The following VTI1A variants were observed in gnomAD, a reference collection of about 807,000 sequenced individuals.
VTI1A encodes vesicle transport through interaction with t-SNAREs homolog 1A.
In VTI1A, 22 loss-of-function variants were observed where a neutral mutation model predicts 34.9. The ratio of observed to expected loss-of-function variants is 0.63; its 90% CI spans 0.45 to 0.90. The LOEUF is 0.90. Ranked by LOEUF, VTI1A falls within the 40% of genes least tolerant of loss-of-function variation. VTI1A has a pLI of 0.00. For synonymous variants in VTI1A, 87 were observed against 97.3 expected (o/e 0.89, Z 0.62); for missense variants, 268 against 275.6 (o/e 0.97, Z 0.20).
At chr10:112,675,753 C>G (rs1380559986) in intron 7 of VTI1A, among the ~76,000 whole-genome samples, 2 of 152,156 alleles carry the variant, frequency 1.3e-5, no homozygotes, top group African/African-American at 4.8e-5. Context: ...CAGTTCCAGT[C>G]TTGTTTAATT....
At chr10:112,627,831 G>T (rs1166163407) in intron 5 of VTI1A, among the ~76,000 whole-genome samples, 1 of 152,022 alleles carries the variant, frequency 6.6e-6, no homozygotes, top group Admixed American at 6.6e-5. Flanking sequence ...ATAAAAATGT[G>T]ATATAAAATG....
chr10:112,724,850 A>G lies in VTI1A; in HGVS notation c.560+55852A>G, dbSNP rs1039786735. Among the ~76,000 whole-genome samples the G allele has an allele frequency of 2.0e-5, 3 of 151,820 alleles. No homozygotes were observed. The East Asian group carries it at 5.8e-4, about 29-fold the overall frequency. On this transcript the variant is annotated intron_variant, in intron 7 of 7. Coordinates refer to ENST00000393077, the MANE Select transcript of VTI1A (RefSeq NM_145206.4). Reference sequence around the variant, plus strand: ...AGAAATTCACACACAGAGACAAAATAGTGTAATGAACCCACATGTCTCTAA... The same window carrying G: ...AGAAATTCACACACAGAGACAAAATGGTGTAATGAACCCACATGTCTCTAA...
intron 5 of VTI1A, among the ~76,000 whole-genome samples, chr10:112,545,674 C>G (rs567898596): frequency 6.6e-6 from 1 of 152,144 alleles, no homozygotes; most frequent in African/African-American, 2.4e-5. Flanking sequence ...GGTCCCATGT[C>G]GGATCTACTG....
intron 7 of VTI1A, among the ~76,000 whole-genome samples, chr10:112,697,374 ATTTTCTTTTC>A (rs540161393): frequency 0.032 from 3,801 of 120,626 alleles, 98 homozygotes; most frequent in East Asian, 0.086. Flanking sequence ...TGTTCTTGGT[ATTTTCTTTTC>A]TTTTCTTTTC....
intron 5 of VTI1A, among the ~76,000 whole-genome samples, chr10:112,650,873 A>T (rs1846985634): frequency 6.6e-6 from 1 of 152,242 alleles, no homozygotes; most frequent in Non-Finnish European, 1.5e-5. Flanking sequence ...TTAAATACAT[A>T]GAAGATATTT....
chr10:112,466,591 A>C (rs1847900749), intron 3 of VTI1A, among the ~76,000 whole-genome samples: 1 of 152,172 alleles, frequency 6.6e-6, no homozygotes, highest in South Asian at 2.1e-4. Flanking sequence ...TGACAACTCA[A>C]ATTTATACTG....
intron 7 of VTI1A, among the ~76,000 whole-genome samples, chr10:112,684,437 C>CTTTT (rs35671432): frequency 1.1e-4 from 13 of 123,492 alleles, no homozygotes; most frequent in African/African-American, 2.5e-4. Context: ...ATGCTCATCT[C>CTTTT]TTTTTTTTTT....
intron 3 of VTI1A, among the ~76,000 whole-genome samples, chr10:112,492,865 T>A (rs1384651839): frequency 1.3e-5 from 2 of 152,184 alleles, no homozygotes; most frequent in Non-Finnish European, 2.9e-5. Flanking sequence ...GTGATTTTTT[T>A]AGGATATTTA....
chr10:112,681,304 C>G (rs1235978799), intron 7 of VTI1A, among the ~76,000 whole-genome samples: 2 of 152,192 alleles, frequency 1.3e-5, no homozygotes, highest in East Asian at 3.9e-4. Flanking sequence ...TGATCTCAAA[C>G]TCCTGGCCTC....
chr10:112,673,630 C>G (rs1364384040), intron 7 of VTI1A, among the ~76,000 whole-genome samples: 1 of 152,224 alleles, frequency 6.6e-6, no homozygotes, highest in Non-Finnish European at 1.5e-5. Flanking sequence ...ATGCAGTTGA[C>G]CTAGCCAGGA....
intron 7 of VTI1A, among the ~76,000 whole-genome samples, chr10:112,780,064 G>A (rs185178386): frequency 4.7e-5 from 7 of 150,182 alleles, no homozygotes; most frequent in Non-Finnish European, 8.9e-5. Context: ...ATCACTTGAG[G>A]CCAGGCATTC....
intron 5 of VTI1A, among the ~76,000 whole-genome samples, chr10:112,597,234 T>A (rs1188215772): frequency 6.6e-6 from 1 of 152,216 alleles, no homozygotes; most frequent in Non-Finnish European, 1.5e-5. Context: ...TTTGTTTTTT[T>A]GAGACAGAAT....
intron 7 of VTI1A, among the ~76,000 whole-genome samples, chr10:112,786,416 G>C (rs1852289781): frequency 6.6e-6 from 1 of 151,986 alleles, no homozygotes; most frequent in African/African-American, 2.4e-5. Context: ...TTCCAATCTG[G>C]GTGCCTTTTA....
At chr10:112,626,332 C>G (rs1049331967) in intron 5 of VTI1A, among the ~76,000 whole-genome samples, 1 of 151,936 alleles carries the variant, frequency 6.6e-6, no homozygotes, top group Non-Finnish European at 1.5e-5. Flanking sequence ...TTTTTTTAAT[C>G]TACATCTTCA....
chr10:112,486,449 A>G (rs1848629596), intron 3 of VTI1A, among the ~76,000 whole-genome samples: 1 of 152,120 alleles, frequency 6.6e-6, no homozygotes, highest in South Asian at 2.1e-4. Context: ...GAAAAGACAC[A>G]TTTGGAAATC....
chr10:112,452,363 A>T (rs1314636223), intron 1 of VTI1A, among the ~76,000 whole-genome samples: 1 of 152,144 alleles, frequency 6.6e-6, no homozygotes, highest in Non-Finnish European at 1.5e-5. Context: ...AGCTCAGGAA[A>T]TCGAGACCAT....
At chr10:112,524,737 G>T (rs1850159695) in intron 3 of VTI1A, among the ~76,000 whole-genome samples, 1 of 152,036 alleles carries the variant, frequency 6.6e-6, no homozygotes, top group Non-Finnish European at 1.5e-5. Flanking sequence ...TGGTATTTTG[G>T]TGAAAAAAGG....
intron 5 of VTI1A, among the ~76,000 whole-genome samples, chr10:112,573,433 C>T (rs1247994529): frequency 1.3e-5 from 2 of 152,078 alleles, no homozygotes; most frequent in East Asian, 1.9e-4. Context: ...TAATGGTATT[C>T]ATGAAATAAT....
intron 7 of VTI1A, among the ~76,000 whole-genome samples, chr10:112,713,914 T>C (rs995629648): frequency 1.3e-5 from 2 of 152,116 alleles, no homozygotes; most frequent in African/African-American, 4.8e-5. Flanking sequence ...ACATGGAGAT[T>C]ACTACACTAG....
Sources: gnomAD v4.1 joint callset for allele counts (sites outside exome capture counted in the v4.1 genomes callset) on GRCh38, gnomAD v4.1.1 for gene constraint, MANE v1.5 for transcripts, NCBI Gene and HGNC (gene_info 2026-07-23, HGNC 2026-07-21) for gene names.